Variants in SH3KBP1 observed in about 807,000 individuals in gnomAD.
SH3KBP1 encodes the protein SH3 domain containing kinase binding protein 1, also known as SH3 domain-containing kinase-binding protein 1.
In SH3KBP1, 8 loss-of-function variants were observed where a neutral mutation model predicts 50.1. The ratio of observed to expected loss-of-function variants is 0.16; its 90% CI spans 0.09 to 0.29. The LOEUF is 0.29. Ranked by LOEUF, SH3KBP1 falls within the 10% of genes least tolerant of loss-of-function variation. The probability of loss-of-function intolerance (pLI) is 1.00; values close to 1 mark genes in which losing one functional copy is unlikely to be tolerated. For missense variants in SH3KBP1, 377 were observed against 535.2 expected (o/e 0.70, Z 2.92); for synonymous variants, 227 against 218.6 (o/e 1.04, Z -0.34).
chrX:19,859,152 A>ATTTT (rs200300452), intron 1 of SH3KBP1, among the ~76,000 whole-genome samples: 1 of 102,586 alleles, frequency 9.7e-6, no homozygotes, highest in African/African-American at 3.5e-5. Flanking sequence ...TGAAATTACT[A>ATTTT]TTTTTTTTTT....
chrX:19,748,110 G>A (rs1402380151), intron 2 of SH3KBP1, among the ~76,000 whole-genome samples: 1 of 112,135 alleles, frequency 8.9e-6, no homozygotes, highest in African/African-American at 3.2e-5. Flanking sequence ...TTCTTTGGGG[G>A]AAGAACAGTT....
chrX:19,855,119 A>G (rs1410708593), intron 1 of SH3KBP1, among the ~76,000 whole-genome samples: 1 of 110,655 alleles, frequency 9.0e-6, no homozygotes, highest in Non-Finnish European at 1.9e-5. Flanking sequence ...AGTAGCTGGG[A>G]TTACAGGTGC....
intron 8 of SH3KBP1, among the ~76,000 whole-genome samples, chrX:19,616,818 G>A (rs1472038516): frequency 9.0e-6 from 1 of 110,661 alleles, no homozygotes; most frequent in Non-Finnish European, 1.9e-5. Context: ...TTCTCAACAC[G>A]AGGATAGCAC....
intron 1 of SH3KBP1, among the ~76,000 whole-genome samples, chrX:19,848,983 T>G (rs2068433898): frequency 9.0e-6 from 1 of 110,648 alleles, no homozygotes; most frequent in Admixed American, 9.7e-5. Flanking sequence ...TTTTTTAAAG[T>G]TTTTGTTCAG....
At chrX:19,876,506 C>G (rs754597305) in intron 1 of SH3KBP1, among the ~76,000 whole-genome samples, 57 of 112,013 alleles carry the variant, frequency 5.1e-4, no homozygotes, top group African/African-American at 1.8e-3. Flanking sequence ...ACCTATCCCT[C>G]CATCAAAACT....
At chrX:19,757,657 C>T (rs1165673231) in intron 2 of SH3KBP1, among the ~76,000 whole-genome samples, 2 of 109,730 alleles carry the variant, frequency 1.8e-5, no homozygotes, top group African/African-American at 3.3e-5. Context: ...GTATACTTCT[C>T]AATATCCCAC....
chrX:19,555,817 C>T (rs962409593), intron 13 of SH3KBP1, among the ~76,000 whole-genome samples: 14 of 111,840 alleles, frequency 1.3e-4, no homozygotes, highest in African/African-American at 4.6e-4. Context: ...CCTCTCCTGA[C>T]TAATTCCTTC....
intron 3 of SH3KBP1, among the ~76,000 whole-genome samples, chrX:19,744,649 G>A (rs1438095203): frequency 8.9e-6 from 1 of 112,148 alleles, no homozygotes; most frequent in Non-Finnish European, 1.9e-5. Flanking sequence ...CCATAACCAG[G>A]CTGCAGGTCC....
rs1329380774 is a variant in SH3KBP1, at chrX:19,573,562, C to T, written c.1299-4374G>A. Among the ~76,000 whole-genome samples the T allele has an allele frequency of 5.3e-5, 6 of 112,219 alleles. No individual in the cohort carries two copies. The East Asian group carries it at 1.7e-3, about 31-fold the overall frequency. On this transcript the variant is annotated intron_variant, in intron 12 of 17. Transcript: ENST00000397821. Reference sequence around the variant, plus strand: ...TTGGCCTCCCAAAGTGCTAGGATTACAGGCGTGAGCCACCATGCCCGGCCT... The same window carrying T: ...TTGGCCTCCCAAAGTGCTAGGATTATAGGCGTGAGCCACCATGCCCGGCCT...
At chrX:19,832,205 G>A (rs192857029) in intron 2 of SH3KBP1, among the ~76,000 whole-genome samples, 3 of 111,860 alleles carry the variant, frequency 2.7e-5, no homozygotes, top group South Asian at 7.4e-4. Context: ...GAAGTGCTCC[G>A]GCTGAAACTA....
At chrX:19,639,562 C>A (rs1313992328) in intron 7 of SH3KBP1, among the ~76,000 whole-genome samples, 2 of 111,146 alleles carry the variant, frequency 1.8e-5, no homozygotes, top group Non-Finnish European at 3.8e-5. Flanking sequence ...AGATCTTAAG[C>A]CACACGGGTA....
rs1041029554 is a variant in SH3KBP1 at position 19,570,554 on chromosome X, G to A, written c.1299-1366C>T. On this transcript the variant is annotated intron_variant, in intron 12 of 17. Transcript: ENST00000397821. ...GGGAGGCAATGAGGGGCCGAGGGAC[G>A]GTTGTAGCAGGAGACCTGTATACCT... 3.6e-5 allele frequency among the ~76,000 whole-genome samples: 4 copies of A among 111,545 alleles called. No homozygotes were observed. The South Asian group carries it at 1.5e-3, about 42-fold the overall frequency.
At chrX:19,810,342 G>A (rs2067168520) in intron 2 of SH3KBP1, among the ~76,000 whole-genome samples, 1 of 112,559 alleles carries the variant, frequency 8.9e-6, no homozygotes. Context: ...GTGAATCTTC[G>A]TGTGACTTTC....
intron 1 of SH3KBP1, among the ~76,000 whole-genome samples, chrX:19,842,511 G>A (rs1359056021): frequency 1.8e-5 from 2 of 111,510 alleles, no homozygotes; most frequent in African/African-American, 6.5e-5. Context: ...GGGTGACAGA[G>A]CAAGAATCCA....
chrX:19,869,519 A>C lies in SH3KBP1; in HGVS notation c.4+17788T>G, dbSNP rs368148415. Among the ~76,000 whole-genome samples, 62 of 112,537 alleles carry C rather than the reference A, an allele frequency of 5.5e-4. No homozygotes were observed. The South Asian group carries it at 0.019, about 35-fold the overall frequency. On this transcript the variant is annotated intron_variant, in intron 1 of 17. Transcript: ENST00000397821. ...TGGTGAGCCAGCTCCGACCATGTCC[A>C]CAAGAGAGAAGGAATCTGAGCAAAG...
chrX:19,760,040 C>T (rs2065347777), intron 2 of SH3KBP1, among the ~76,000 whole-genome samples: 2 of 64,068 alleles, frequency 3.1e-5, no homozygotes, highest in Non-Finnish European at 5.6e-5. Context: ...CTCTCTCTCT[C>T]CCTCTCTCTC....
chrX:19,787,939 A>C (rs2066399727), intron 2 of SH3KBP1, among the ~76,000 whole-genome samples: 1 of 111,504 alleles, frequency 9.0e-6, no homozygotes, highest in African/African-American at 3.3e-5. Context: ...ATAGGGTTCC[A>C]ATATAATTGG....
At chrX:19,817,846 G>A (rs2067404410) in intron 2 of SH3KBP1, among the ~76,000 whole-genome samples, 1 of 111,577 alleles carries the variant, frequency 9.0e-6, no homozygotes, top group South Asian at 3.7e-4. Context: ...TGTTGGCCAG[G>A]CTGGTCTCGA....
At chrX:19,711,292 T>C (rs926032827) in intron 3 of SH3KBP1, among the ~76,000 whole-genome samples, 4 of 111,492 alleles carry the variant, frequency 3.6e-5, no homozygotes, top group African/African-American at 1.3e-4. Context: ...ACTTGGGCCC[T>C]ACAGGCCCCA....
Sources: gnomAD v4.1 joint callset for allele counts (sites outside exome capture counted in the v4.1 genomes callset) on GRCh38, gnomAD v4.1.1 for gene constraint, MANE v1.5 for transcripts, NCBI Gene and HGNC (gene_info 2026-07-23, HGNC 2026-07-21) for gene names.